RBFOX1: variants seen among roughly 807,000 people sequenced by gnomAD.
RBFOX1 encodes RNA binding protein fox-1 homolog 1.
In RBFOX1, 8 loss-of-function variants were observed where a neutral mutation model predicts 57.7. The ratio of observed to expected loss-of-function variants is 0.14; its 90% CI spans 0.08 to 0.25. The LOEUF is 0.25. RBFOX1 is among the 10% of genes least tolerant of loss of function. RBFOX1 has a pLI of 1.00. For synonymous variants in RBFOX1, 326 were observed against 222.4 expected, an observed-to-expected ratio of 1.47 and a Z score of -4.15; for missense variants, 611 against 548.5, an observed-to-expected ratio of 1.11 and a Z score of -1.14.
intron 2 of RBFOX1, among the ~76,000 whole-genome samples, chr16:6,409,416 A>G (rs1349256938): frequency 6.6e-6 from 1 of 152,210 alleles, no homozygotes; most frequent in Non-Finnish European, 1.5e-5. Flanking sequence ...CCCGGTCTCA[A>G]AACAAAACAA....
intron 4 of RBFOX1, among the ~76,000 whole-genome samples, chr16:7,473,136 G>C (rs1472389334): frequency 6.6e-6 from 1 of 152,122 alleles, no homozygotes; most frequent in African/African-American, 2.4e-5. Flanking sequence ...TCAGCCCTTT[G>C]GGAGGCTGAG....
At chr16:5,446,602 C>T (rs762003323) in intron 1 of RBFOX1, among the ~76,000 whole-genome samples, 14 of 151,984 alleles carry the variant, frequency 9.2e-5, no homozygotes, top group Non-Finnish European at 1.2e-4. Context: ...TGGCTTGATC[C>T]GATTTGTACT....
At chr16:6,647,905 A>C (rs1469396794) in intron 2 of RBFOX1, among the ~76,000 whole-genome samples, 1 of 152,140 alleles carries the variant, frequency 6.6e-6, no homozygotes, top group Non-Finnish European at 1.5e-5. Flanking sequence ...GTAGTGGTGC[A>C]ATCTCGGCTT....
At chr16:7,292,302 GAT>G in intron 4 of RBFOX1, among the ~76,000 whole-genome samples, 1 of 118,930 alleles carries the variant, frequency 8.4e-6, no homozygotes, top group South Asian at 2.6e-4. Context: ...TATGATATAT[GAT>G]ATATGACGTA....
chr16:7,233,652 C>G (rs1220033507), intron 4 of RBFOX1, among the ~76,000 whole-genome samples: 2 of 152,140 alleles, frequency 1.3e-5, no homozygotes, highest in Non-Finnish European at 2.9e-5. Flanking sequence ...TGGATGCTGC[C>G]CTTTCAACAA....
intron 1 of RBFOX1, among the ~76,000 whole-genome samples, chr16:6,049,390 G>T (rs566700312): frequency 6.6e-6 from 1 of 152,186 alleles, no homozygotes; most frequent in South Asian, 2.1e-4. Context: ...ATAGCCTGAA[G>T]AATCACCTTC....
intron 3 of RBFOX1, among the ~76,000 whole-genome samples, chr16:6,776,274 G>C (rs529124246): frequency 6.6e-6 from 1 of 152,130 alleles, no homozygotes; most frequent in Admixed American, 6.5e-5. Context: ...AGCCGGGCGT[G>C]GTGGCGGGTG....
intron 3 of RBFOX1, among the ~76,000 whole-genome samples, chr16:5,612,212 C>CTCAG (rs2047846763): frequency 6.9e-6 from 1 of 143,922 alleles, no homozygotes; most frequent in Non-Finnish European, 1.5e-5. Context: ...CCCCTCCACT[C>CTCAG]TCATTCATTC....
chr16:6,429,132 G>A (rs529816653), intron 2 of RBFOX1, among the ~76,000 whole-genome samples: 5 of 152,190 alleles, frequency 3.3e-5, no homozygotes, highest in Admixed American at 6.5e-5. Context: ...GTGAAATGTC[G>A]TGGCTGCCTC....
At chr16:6,509,821 G>C (rs1234266409) in intron 2 of RBFOX1, among the ~76,000 whole-genome samples, 6 of 152,104 alleles carry the variant, frequency 3.9e-5, no homozygotes, top group African/African-American at 7.2e-5. Flanking sequence ...CACTTACCAT[G>C]TTCTCCCAAA....
chr16:6,854,448 A>T (rs1407497929), intron 3 of RBFOX1, among the ~76,000 whole-genome samples: 1 of 152,062 alleles, frequency 6.6e-6, no homozygotes, highest in South Asian at 2.1e-4. Context: ...TGGAAATTCA[A>T]TGGCATGTTA....
chr16:7,309,917 A>G (rs917365438), intron 4 of RBFOX1, among the ~76,000 whole-genome samples: 1 of 152,184 alleles, frequency 6.6e-6, no homozygotes, highest in African/African-American at 2.4e-5. Context: ...GAAGTGTCCC[A>G]ATGTTCTGTT....
chr16:5,629,749 C>A (rs1030134500), intron 3 of RBFOX1, among the ~76,000 whole-genome samples: 1 of 152,202 alleles, frequency 6.6e-6, no homozygotes, highest in Non-Finnish European at 1.5e-5. Flanking sequence ...GCCGAAGGAC[C>A]TGACGTCAGT....
chr16:5,761,816 G>C (rs111296278), intron 3 of RBFOX1, among the ~76,000 whole-genome samples: 2 of 152,298 alleles, frequency 1.3e-5, no homozygotes, highest in Admixed American at 6.5e-5. Flanking sequence ...AAGACATTCA[G>C]TGTCAGCAGG....
chr16:5,966,999 G>GA (rs1034672025), intron 4 of RBFOX1, among the ~76,000 whole-genome samples: 15 of 134,942 alleles, frequency 1.1e-4, no homozygotes, highest in African/African-American at 3.5e-4. Context: ...ATCGGGGGGG[G>GA]GGGGGTCAAT....
intron 4 of RBFOX1, among the ~76,000 whole-genome samples, chr16:7,438,843 C>T (rs2098743009): frequency 6.6e-6 from 1 of 152,298 alleles, no homozygotes; most frequent in Admixed American, 6.5e-5. Context: ...CGCCAAGCAG[C>T]TTGTCAAAGC....
chr16:6,728,452 C>T (rs531316319), intron 3 of RBFOX1, among the ~76,000 whole-genome samples: 1 of 152,148 alleles, frequency 6.6e-6, no homozygotes. Context: ...GGAAATTGTT[C>T]ATCTCTATGA....
chr16:7,397,439 C>A (rs995239358), intron 4 of RBFOX1, among the ~76,000 whole-genome samples: 7 of 152,100 alleles, frequency 4.6e-5, no homozygotes, highest in African/African-American at 1.7e-4. Flanking sequence ...ATACTTGTCA[C>A]ATAGGGGGCA....
At chr16:6,321,283 A>G (rs2081758067) in intron 2 of RBFOX1, among the ~76,000 whole-genome samples, 1 of 152,098 alleles carries the variant, frequency 6.6e-6, no homozygotes, top group Non-Finnish European at 1.5e-5. Flanking sequence ...TTGTAACCTG[A>G]TACTGTATTG....
Sources: gnomAD v4.1 joint callset for allele counts (sites outside exome capture counted in the v4.1 genomes callset) on GRCh38, gnomAD v4.1.1 for gene constraint, MANE v1.5 for transcripts, NCBI Gene and HGNC (gene_info 2026-07-23, HGNC 2026-07-21) for gene names.